The following EBNA1BP2 variants were observed in gnomAD, a reference collection of about 807,000 sequenced individuals.
EBNA1BP2 encodes the protein probable rRNA-processing protein EBP2.
Under a neutral mutation model 43.5 loss-of-function variants are expected in EBNA1BP2, and 36 were observed. The observed-to-expected ratio is 0.83, with a 90% CI of 0.63 to 1.09. EBNA1BP2 has a LOEUF of 1.09. EBNA1BP2 is among the 50% of genes least tolerant of loss of function. EBNA1BP2 has a pLI of 0.00. For synonymous variants in EBNA1BP2, 127 were observed against 141.3 expected (o/e 0.90, Z 0.72); for missense variants, 332 against 379.1 (o/e 0.88, Z 1.03).
chr1:43,165,260 A>G (rs1323375951), intron 7 of EBNA1BP2, among the ~76,000 whole-genome samples: 2 of 152,072 alleles, frequency 1.3e-5, no homozygotes, highest in Admixed American at 6.5e-5. Flanking sequence ...TTCAAATAAC[A>G]TTCAAATGGA....
Position 43,169,516 on chromosome 1 carries a change from G to A in EBNA1BP2, c.448-488C>T, listed in dbSNP as rs568325685. 3.9e-5 allele frequency among the ~76,000 whole-genome samples: 6 copies of A among 152,208 alleles called. No individual in the cohort carries two copies. In the East Asian group the frequency reaches 5.8e-4, roughly 15 times the overall value. On this transcript the variant is annotated intron_variant, in intron 4 of 8. Coordinates refer to ENST00000236051, the MANE Select transcript of EBNA1BP2 (RefSeq NM_006824.3). ...CAGTAAGAAGGTGAACTACTACCACGACAAAAGCTCCCTAAAATCCAGCTT... is the reference window on the plus strand; with the variant it reads ...CAGTAAGAAGGTGAACTACTACCACAACAAAAGCTCCCTAAAATCCAGCTT...
intron 7 of EBNA1BP2, 148 bp from the exon 8 acceptor site, chr1:43,164,953 A>C: frequency 1.0e-6 from 1 of 993,858 alleles, no homozygotes; most frequent in Non-Finnish European, 1.5e-6. Flanking sequence ...CCACAATCCT[A>C]TGCTACAGCC....
In EBNA1BP2 at chr1:43,164,199, T is replaced by C. The variant is rs1569717590; in HGVS notation, c.*244A>G. 4 of 524,808 alleles carry C rather than the reference T, an allele frequency of 7.6e-6. No individual in the cohort carries two copies. The East Asian group carries it at 1.3e-4, about 17-fold the overall frequency. 32.5% of individuals were successfully genotyped at this position (524,808 alleles called of 1,614,324 possible). A position where few individuals can be genotyped will look rare whatever the true frequency, so the allele number is the denominator to read the frequency against. ...TGAGAAGGTGTCAGTTAAATCATTATTTATCATAAAATGAAGGCAATTTGA... is the reference window on the plus strand; with the variant it reads ...TGAGAAGGTGTCAGTTAAATCATTACTTATCATAAAATGAAGGCAATTTGA... On this transcript the variant is annotated 3_prime_UTR_variant, in exon 9 of 9. Coordinates refer to ENST00000236051, the MANE Select transcript of EBNA1BP2 (RefSeq NM_006824.3).
chr1:43,168,962 C>T lies in EBNA1BP2; in HGVS notation c.514G>A (p.Ala172Thr). Residue 172 changes from alanine (A) to threonine (T), a missense_variant, in exon 5 of 9, where the codon GCA becomes ACA. By Grantham distance (58) the Ala-to-Thr change is moderately conservative. Coordinates refer to ENST00000236051, the MANE Select transcript of EBNA1BP2 (RefSeq NM_006824.3). ...ERSEKAKQLR[A>T]LRKYGKKVQT... ...ACCTTCTTCCCGTATTTCCTAAGTG[C>T]TCGCAGTTGCTTAGCTTTTTCAGAC... The T allele has an allele frequency of 6.2e-7, 1 of 1,614,172 alleles. No individual in the cohort carries two copies. Among genetic ancestry groups the T allele is most frequent in the Non-Finnish European group, 8.5e-7 (1 of 1,180,032 alleles).
intron 4 of EBNA1BP2, 98 bp downstream of exon 4, chr1:43,170,658 G>A: frequency 6.6e-7 from 1 of 1,506,932 alleles, no homozygotes; most frequent in Non-Finnish European, 8.9e-7. Context: ...TCTGACAACT[G>A]GCTCCCCGTT....
At chr1:43,169,081 A>G in intron 4 of EBNA1BP2, 53 bp from the exon 5 acceptor site, 4 of 1,572,324 alleles carry the variant, frequency 2.5e-6, no homozygotes, top group Non-Finnish European at 3.5e-6. Flanking sequence ...AATGACCACT[A>G]CTTAGGATTC....
intron 4 of EBNA1BP2, among the ~76,000 whole-genome samples, 163 bp downstream of exon 4, chr1:43,170,593 T>C (rs981334974): frequency 1.3e-5 from 2 of 152,160 alleles, no homozygotes; most frequent in African/African-American, 4.8e-5. Flanking sequence ...ATCTAATTGG[T>C]GGTAACTGGC....
Position 43,164,707 on chromosome 1 carries a change from G to A in EBNA1BP2, c.806C>T (p.Ser269Phe). The A allele has an allele frequency of 1.2e-6, 2 of 1,614,222 alleles. No individual in the cohort carries two copies. Among genetic ancestry groups the A allele is most frequent in the Non-Finnish European group, 1.7e-6 (2 of 1,180,042 alleles). ...ATGAGCTGTCTTGGCCCGGAAGCTA[G>A]ATACATCATCATAGCTCTCCCGAGT... ...WNTRESYDDV[S>F]SFRAKTAHGR... The change falls in exon 8 of 9, where the codon TCT becomes TTT. Residue 269 changes from serine to phenylalanine, a missense_variant. By Grantham distance (155) the Ser-to-Phe change is radical (BLOSUM62 -2). Transcript: ENST00000236051.
intron 2 of EBNA1BP2, 71 bp from the exon 3 acceptor site, chr1:43,171,722 G>C (rs771506479): frequency 1.3e-6 from 2 of 1,584,940 alleles, no homozygotes; most frequent in African/African-American, 2.7e-5. Context: ...CAGGCTGTTA[G>C]GCGAAGGGAC....
At chr1:43,171,819 C>T (rs1644978027) in intron 2 of EBNA1BP2, 67 bp downstream of exon 2, 8 of 1,595,526 alleles carry the variant, frequency 5.0e-6, no homozygotes, top group Middle Eastern at 1.9e-4. Flanking sequence ...GAATCGGTCT[C>T]CCAAGCCCAA....
intron 4 of EBNA1BP2, 110 bp from the exon 5 acceptor site, chr1:43,169,138 TATAAATC>T: frequency 8.5e-7 from 1 of 1,170,594 alleles, no homozygotes; most frequent in Non-Finnish European, 1.3e-6. Context: ...CTGCGGAACT[TATAAATC>T]ATCAGTTCCA....
Position 43,164,401 on chromosome 1 carries a change from C to T in EBNA1BP2, c.*42G>A. ...CAAAGTGTGTCGTGAAATTGCGAGT[C>T]TTCATTCCTTTTTCTTGGTTCTTTG... On this transcript the variant is annotated 3_prime_UTR_variant, in exon 9 of 9. Transcript: ENST00000236051. 3 of 1,612,764 alleles carry T rather than the reference C, an allele frequency of 1.9e-6. No individual in the cohort carries two copies. The highest frequency in any genetic ancestry group is 8.5e-7 in the Non-Finnish European group (1 of 1,178,848).
intron 4 of EBNA1BP2, among the ~76,000 whole-genome samples, chr1:43,169,515 C>A (rs4660714): frequency 6.6e-6 from 1 of 152,124 alleles, no homozygotes; most frequent in Non-Finnish European, 1.5e-5. Context: ...ACTACTACCA[C>A]GACAAAAGCT....
At chr1:43,167,670 G>A (rs1389660146) in intron 5 of EBNA1BP2, among the ~76,000 whole-genome samples, 3 of 152,002 alleles carry the variant, frequency 2.0e-5, no homozygotes, top group Non-Finnish European at 4.4e-5. Context: ...ACTGTTACTA[G>A]GCATGAAAGT....
At chr1:43,166,999 T>G in intron 6 of EBNA1BP2, 80 bp from the exon 7 acceptor site, 2 of 1,535,730 alleles carry the variant, frequency 1.3e-6, no homozygotes, top group South Asian at 2.3e-5. Context: ...AGGCTGTTAT[T>G]TGCTACACTG....
At chr1:43,170,581 G>A (rs1312095759) in intron 4 of EBNA1BP2, among the ~76,000 whole-genome samples, 175 bp downstream of exon 4, 1 of 152,130 alleles carries the variant, frequency 6.6e-6, no homozygotes, top group Non-Finnish European at 1.5e-5. Flanking sequence ...ATTTTTATAT[G>A]CATCTAATTG....
At chr1:43,167,728 A>C (rs1344111502) in intron 5 of EBNA1BP2, among the ~76,000 whole-genome samples, 6 of 152,218 alleles carry the variant, frequency 3.9e-5, no homozygotes, top group Non-Finnish European at 7.3e-5. Flanking sequence ...AGAAAAGAAA[A>C]AAGTTTGAAG....
chr1:43,172,380 C>G (rs1164986478), upstream of EBNA1BP2: 3 of 1,551,480 alleles, frequency 1.9e-6, no homozygotes, highest in East Asian at 2.4e-5. Context: ...TGAAAGTGTC[C>G]GGGTTGCTTA....
chr1:43,170,899 A>G lies in EBNA1BP2; in HGVS notation c.324-20T>C, dbSNP rs1380781840. 1.3e-6 allele frequency: 2 copies of G among 1,555,224 alleles called. No homozygotes were observed. The highest frequency in any genetic ancestry group is 1.7e-4 in the Middle Eastern group (1 of 5,836). On this transcript the variant is annotated intron_variant, in intron 3 of 8. Coordinates refer to ENST00000236051, the MANE Select transcript of EBNA1BP2 (RefSeq NM_006824.3). The stretch of plus-strand genomic sequence containing the variant: ...CGATAGCTGAGAATCGTAGGACAAA[A>G]TGTGTAATGAGGTGAAGGAGGAGGC...
Sources: allele counts gnomAD v4.1 joint callset (sites outside exome capture counted in the v4.1 genomes callset), GRCh38; gene constraint gnomAD v4.1.1; transcripts MANE v1.5; gene names NCBI Gene and HGNC (gene_info 2026-07-23, HGNC 2026-07-21).